CPLX1: variants seen among roughly 807,000 people sequenced by gnomAD.
The protein encoded by CPLX1 is complexin 1.
A neutral mutation model predicts 15.6 loss-of-function variants in CPLX1; 6 were observed. That is an observed-to-expected ratio of 0.39 (90% CI 0.21 to 0.76). The LOEUF (loss-of-function observed/expected upper bound fraction) is 0.76. Ranked by LOEUF, CPLX1 falls within the 30% of genes least tolerant of loss-of-function variation. The probability of loss-of-function intolerance (pLI) is 0.43; values close to 1 mark genes in which losing one functional copy is unlikely to be tolerated. For synonymous variants in CPLX1, 91 were observed against 75.2 expected (o/e 1.21, Z -1.08); for missense variants, 242 against 188.6 (o/e 1.28, Z -1.66).
intron 2 of CPLX1, among the ~76,000 whole-genome samples, chr4:804,044 G>A (rs566142426): frequency 1.3e-5 from 2 of 152,356 alleles, no homozygotes; most frequent in East Asian, 3.9e-4. Context: ...TCAGTGAGAT[G>A]TGTGTTGTGC....
intron 2 of CPLX1, among the ~76,000 whole-genome samples, chr4:821,425 C>T (rs1231948100): frequency 1.3e-5 from 2 of 152,190 alleles, no homozygotes; most frequent in African/African-American, 4.8e-5. Context: ...GCCCGCCTGC[C>T]CCACACATTC....
At chr4:800,781 ATAT>A (rs1746440077) in intron 2 of CPLX1, among the ~76,000 whole-genome samples, 1 of 148,444 alleles carries the variant, frequency 6.7e-6, no homozygotes, top group Non-Finnish European at 1.5e-5. Flanking sequence ...ACACAGACAC[ATAT>A]ATGTGTATAT....
At chr4:798,192 T>G (rs540656795) in intron 2 of CPLX1, among the ~76,000 whole-genome samples, 1 of 149,406 alleles carries the variant, frequency 6.7e-6, no homozygotes, top group Non-Finnish European at 1.5e-5. Context: ...GGAGAATCAC[T>G]TGAACCCAAG....
At chr4:802,937 T>A (rs1202593282) in intron 2 of CPLX1, among the ~76,000 whole-genome samples, 2 of 141,478 alleles carry the variant, frequency 1.4e-5, no homozygotes, top group Admixed American at 1.4e-4. Context: ...AGCATTAGAG[T>A]GAGACTCTGT....
intron 2 of CPLX1, among the ~76,000 whole-genome samples, chr4:792,950 TTGTG>T (rs1412111549): frequency 6.6e-6 from 1 of 152,086 alleles, no homozygotes. Flanking sequence ...GCTGTTGTGG[TTGTG>T]TTTGTGTGTG....
At chr4:788,396 C>T (rs1200194877) in intron 3 of CPLX1, 9 of 985,196 alleles carry the variant, frequency 9.1e-6, no homozygotes, top group African/African-American at 1.7e-5. Flanking sequence ...CGTTCCCAGC[C>T]GCCTGTGGCC....
chr4:821,955 G>A (rs1272264445), intron 2 of CPLX1, among the ~76,000 whole-genome samples: 1 of 152,176 alleles, frequency 6.6e-6, no homozygotes, highest in Non-Finnish European at 1.5e-5. Context: ...CCCTGGGCAG[G>A]TCCTCACCTC....
Position 824,913 on chromosome 4 carries a change from G to A in CPLX1, c.-79-312C>T, listed in dbSNP as rs535575904. On this transcript the variant is annotated intron_variant, in intron 1 of 3. Coordinates refer to ENST00000304062, the MANE Select transcript of CPLX1 (RefSeq NM_006651.4). ...GAAGCAGGGGCGGGGCCCAGGGGGC[G>A]TTTGAAGGTGACTGCTCCGCTCTGC... The A allele has an allele frequency of 1.2e-4, 47 of 403,742 alleles. No individual in the cohort carries two copies. In the East Asian group the frequency reaches 2.7e-3, roughly 24 times the overall value. 25.0% of individuals were successfully genotyped at this position (403,742 alleles called of 1,614,324 possible).
chr4:790,553 A>G (rs1296697647), intron 3 of CPLX1, among the ~76,000 whole-genome samples: 4 of 151,614 alleles, frequency 2.6e-5, no homozygotes, highest in African/African-American at 9.7e-5. Context: ...CCCTGTCCCC[A>G]CCTCCTTGGG....
At position 792,564 on chromosome 4, in the gene CPLX1, TCTC is replaced by T. The variant is rs762707703; in HGVS notation, c.73_75del (p.Glu25del). The T allele has an allele frequency of 1.9e-5, 31 of 1,613,262 alleles. No homozygotes were observed. The highest frequency in any genetic ancestry group is 2.7e-5 in the African/African-American group (2 of 74,974). ...TCCTTCTTGGCGGCGTCTGGGTCCT[TCTC>T]CTCGTCACCCCCCAGCATCTTCCCC... On this transcript the variant is annotated inframe_deletion, in exon 3 of 4. Coordinates refer to ENST00000304062, the MANE Select transcript of CPLX1 (RefSeq NM_006651.4).
chr4:816,467 C>G (rs945388819), intron 2 of CPLX1, among the ~76,000 whole-genome samples: 4 of 152,068 alleles, frequency 2.6e-5, no homozygotes, highest in Admixed American at 2.6e-4. Flanking sequence ...ATCCACCTGC[C>G]TCAGCCTCCC....
rs1306456976 is a variant in CPLX1 at position 785,403 on chromosome 4, G to C, written c.*1098C>G. 1 of 152,574 alleles carries C rather than the reference G, an allele frequency of 6.6e-6. No individual in the cohort carries two copies. Among genetic ancestry groups the C allele is most frequent in the African/African-American group, 2.4e-5 (1 of 41,446 alleles). 9.5% of individuals were successfully genotyped at this position (152,574 alleles called of 1,614,324 possible). A position where few individuals can be genotyped will look rare whatever the true frequency, so the allele number is the denominator to read the frequency against. On this transcript the variant is annotated 3_prime_UTR_variant, in exon 4 of 4. Transcript: ENST00000304062. The stretch of plus-strand genomic sequence containing the variant: ...CAAGCCACGCCCTGGCCCGAAACAC[G>C]TGGAGACTTGATGCATTTTTGATGT...
At chr4:822,960 C>T (rs953699957) in intron 2 of CPLX1, among the ~76,000 whole-genome samples, 1 of 152,214 alleles carries the variant, frequency 6.6e-6, no homozygotes, top group African/African-American at 2.4e-5. Context: ...CCCCGCTCAG[C>T]TCCACCACGC....
rs776816242 is a variant in CPLX1 at position 786,712 on chromosome 4, G to C, written c.208-14C>G. On this transcript the variant is annotated splice_polypyrimidine_tract_variant and intron_variant, in intron 3 of 3. Coordinates refer to ENST00000304062, the MANE Select transcript of CPLX1 (RefSeq NM_006651.4). ...CTTGATGCCGTACTGCGGGGGAGGCGGGGGTCAGGGCGGGGGTCCCGGCGG... is the reference window on the plus strand; with the variant it reads ...CTTGATGCCGTACTGCGGGGGAGGCCGGGGTCAGGGCGGGGGTCCCGGCGG... 1.3e-6 allele frequency: 2 copies of C among 1,578,832 alleles called. No individual in the cohort carries two copies. The highest frequency in any genetic ancestry group is 3.5e-5 in the Admixed American group (2 of 57,836).
intron 2 of CPLX1, among the ~76,000 whole-genome samples, chr4:804,453 C>G (rs565772156): frequency 1.3e-5 from 2 of 151,768 alleles, no homozygotes; most frequent in Admixed American, 6.6e-5. Context: ...ACAATAAGTA[C>G]GAAAATATAA....
At chr4:798,437 G>A (rs1194272045) in intron 2 of CPLX1, among the ~76,000 whole-genome samples, 3 of 152,130 alleles carry the variant, frequency 2.0e-5, no homozygotes, top group Non-Finnish European at 4.4e-5. Flanking sequence ...TCTTAGACAG[G>A]GTCTTGCTCC....
At chr4:797,781 A>G (rs1004191969) in intron 2 of CPLX1, among the ~76,000 whole-genome samples, 8 of 151,992 alleles carry the variant, frequency 5.3e-5, no homozygotes, top group Non-Finnish European at 1.0e-4. Context: ...AAAATACAAA[A>G]AAGTAGCCGG....
At chr4:787,452 C>T (rs778360205) in intron 3 of CPLX1, 32 of 906,136 alleles carry the variant, frequency 3.5e-5, no homozygotes, top group Non-Finnish European at 4.2e-5. Context: ...GGAAACAGGT[C>T]TTTGTTGATC....
intron 2 of CPLX1, among the ~76,000 whole-genome samples, chr4:815,653 C>T (rs1210716855): frequency 6.6e-6 from 1 of 152,184 alleles, no homozygotes; most frequent in East Asian, 1.9e-4. Context: ...AGTGGGGCAG[C>T]TTAAGAAGTC....
Sources: gnomAD v4.1 joint callset for allele counts (sites outside exome capture counted in the v4.1 genomes callset) on GRCh38, gnomAD v4.1.1 for gene constraint, MANE v1.5 for transcripts, NCBI Gene and HGNC (gene_info 2026-07-23, HGNC 2026-07-21) for gene names.